The following C22orf31 variants were observed in gnomAD, a reference collection of about 807,000 sequenced individuals.
C22orf31 encodes chromosome 22 open reading frame 31.
In C22orf31, 11 loss-of-function variants were observed where a neutral mutation model predicts 15.0. The observed-to-expected ratio is 0.73, with a 90% CI of 0.46 to 1.21. C22orf31 has a LOEUF of 1.21. C22orf31 is among the 50% of genes most tolerant of loss of function. C22orf31 has a pLI of 0.00. For missense variants in C22orf31, 340 were observed against 347.2 expected (o/e 0.98, Z 0.17); for synonymous variants, 132 against 133.3 (o/e 0.99, Z 0.07).
At chr22:29,060,025 T>A in intron 2 of C22orf31, 1 of 850,646 alleles carries the variant, frequency 1.2e-6, no homozygotes, top group Non-Finnish European at 1.4e-6. Flanking sequence ...TCTTTTCTTT[T>A]TTTTTTTTTT....
the C22orf31 span, chr22:29,073,033 A>C: frequency 5.3e-6 from 1 of 190,178 alleles, no homozygotes; most frequent in Non-Finnish European, 9.6e-6. This position sits in a 1 kb window ranked among gnomAD's most constrained non-coding sequence, Gnocchi z 4.4. Context: ...GGGCGGGGCT[A>C]CACTCGGGCC....
At chr22:29,060,091 G>A (rs2037371361) in intron 2 of C22orf31, 1 of 502,720 alleles carries the variant, frequency 2.0e-6, no homozygotes, top group Non-Finnish European at 2.5e-6. Context: ...GAATGCAGTA[G>A]TGCAATCATG....
At chr22:29,066,162 C>A (rs2037428140), upstream of C22orf31, among the ~76,000 whole-genome samples, 1 of 151,992 alleles carries the variant, frequency 6.6e-6, no homozygotes, top group Non-Finnish European at 1.5e-5. Context: ...GAGTCAATTT[C>A]TATTAATTCT....
At chr22:29,072,186 C>G in the C22orf31 span, among the ~76,000 whole-genome samples, 74 of 152,166 alleles carry the variant, frequency 4.9e-4, no homozygotes, top group Non-Finnish European at 9.0e-4. Flanking sequence ...GCTCTGTCAC[C>G]CAGGCTGGAG....
Position 29,060,825 on chromosome 22 carries a change from G to T in C22orf31, c.22C>A (p.Arg8=). MHPINVR[R]DPSIPIYGLR... The stretch of plus-strand genomic sequence containing the variant: ...CCATAGATAGGGATGCTGGGGTCTC[G>T]TCTCACATTGATTGGGTGCTAGAAT... Residue 8 remains arginine, a synonymous_variant, in exon 2 of 3, where the codon CGA becomes AGA. Transcript: ENST00000216071. 2 of 1,613,234 alleles carry T rather than the reference G, an allele frequency of 1.2e-6. No individual in the cohort carries two copies. Among genetic ancestry groups the T allele is most frequent in the Non-Finnish European group, 1.7e-6 (2 of 1,179,364 alleles).
At chr22:29,066,726 A>C (rs1278066635), upstream of C22orf31, among the ~76,000 whole-genome samples, 1 of 150,986 alleles carries the variant, frequency 6.6e-6, no homozygotes, top group Non-Finnish European at 1.5e-5. Flanking sequence ...ATGCCCAGCT[A>C]ATTTTTGTAT....
chr22:29,060,932 A>T (rs1041317955), intron 1 of C22orf31, 89 bp from the exon 2 acceptor site: 39 of 1,063,178 alleles, frequency 3.7e-5, no homozygotes, highest in Admixed American at 1.8e-4. Flanking sequence ...AAATATTAAC[A>T]TCTTTTTATA....
At chr22:29,073,910 C>T in the C22orf31 span, among the ~76,000 whole-genome samples, 1 of 152,114 alleles carries the variant, frequency 6.6e-6, no homozygotes, top group Non-Finnish European at 1.5e-5. This position sits in a 1 kb window ranked among gnomAD's most constrained non-coding sequence, Gnocchi z 4.4. Flanking sequence ...CTACAAGAGG[C>T]TATACGCCCC....
At chr22:29,060,141 C>T (rs1326596496) in intron 2 of C22orf31, 1 of 248,364 alleles carries the variant, frequency 4.0e-6, no homozygotes, top group Non-Finnish European at 6.4e-6. Flanking sequence ...AAGTAATCCT[C>T]CCTCCTTAGC....
chr22:29,073,005 G>T, the C22orf31 span: 1 of 156,828 alleles, frequency 6.4e-6, no homozygotes, highest in South Asian at 1.8e-4. This position sits in a 1 kb window ranked among gnomAD's most constrained non-coding sequence, Gnocchi z 4.4. Context: ...GGGCCGGGGC[G>T]GGGCGGCCGG....
chr22:29,070,771 AAG>A, the C22orf31 span, among the ~76,000 whole-genome samples: 4 of 152,158 alleles, frequency 2.6e-5, no homozygotes, highest in Non-Finnish European at 4.4e-5. Context: ...GAAAAAGAAA[AAG>A]AAAAAAAATC....
chr22:29,062,352 C>T (rs1051946903), upstream of C22orf31, among the ~76,000 whole-genome samples: 1 of 152,126 alleles, frequency 6.6e-6, no homozygotes, highest in Non-Finnish European at 1.5e-5. Flanking sequence ...TGAAAGAACA[C>T]GTTCCTGCAG....
chr22:29,064,935 C>A (rs1232116833), upstream of C22orf31, among the ~76,000 whole-genome samples: 1 of 151,948 alleles, frequency 6.6e-6, no homozygotes, highest in Non-Finnish European at 1.5e-5. Flanking sequence ...CTCACTGCAA[C>A]CTCCGCCTCC....
chr22:29,060,035 T>C, intron 2 of C22orf31: 6 of 894,390 alleles, frequency 6.7e-6, no homozygotes, highest in Non-Finnish European at 7.9e-6. Flanking sequence ...TTTTTTTTTT[T>C]TTTTTTTTAT....
chr22:29,071,568 G>A, the C22orf31 span, among the ~76,000 whole-genome samples: 1 of 152,198 alleles, frequency 6.6e-6, no homozygotes, highest in Non-Finnish European at 1.5e-5. Flanking sequence ...GCCGCGCCGG[G>A]CGCAGGTCTG....
intron 1 of C22orf31, 25 bp from the exon 2 acceptor site, chr22:29,060,868 G>A: frequency 6.3e-7 from 1 of 1,584,846 alleles, no homozygotes; most frequent in Non-Finnish European, 8.6e-7. Context: ...AGGGAGAAAT[G>A]AATTTTAAAA....
At chr22:29,059,219 C>T (rs760048821) in intron 2 of C22orf31, 37 bp from the exon 3 acceptor site, 2 of 1,445,422 alleles carry the variant, frequency 1.4e-6, no homozygotes, top group East Asian at 4.5e-5. Context: ...AAAGCTAAAA[C>T]TTGAGAGGGG....
At chr22:29,071,174 C>T in the C22orf31 span, among the ~76,000 whole-genome samples, 1 of 152,064 alleles carries the variant, frequency 6.6e-6, no homozygotes, top group African/African-American at 2.4e-5. Context: ...GGGGGGCGGT[C>T]CCCAGGACCG....
the C22orf31 span, among the ~76,000 whole-genome samples, chr22:29,069,299 T>C: frequency 2.6e-5 from 4 of 152,142 alleles, no homozygotes; most frequent in African/African-American, 9.7e-5. Flanking sequence ...GCTGTCATTA[T>C]AATCAGGCCC....
Sources: gnomAD v4.1 joint callset for allele counts (sites outside exome capture counted in the v4.1 genomes callset) on GRCh38, gnomAD v4.1.1 for gene constraint, Gnocchi (gnomAD v3.1) non-coding constraint, MANE v1.5 for transcripts, NCBI Gene and HGNC (gene_info 2026-07-23, HGNC 2026-07-21) for gene names.